LUZP2: variants seen among roughly 807,000 people sequenced by gnomAD.
LUZP2 encodes leucine zipper protein 2.
Under a neutral mutation model 51.6 loss-of-function variants are expected in LUZP2, and 52 were observed. The observed-to-expected ratio is 1.01, with a 90% CI of 0.81 to 1.27. The LOEUF (loss-of-function observed/expected upper bound fraction) is 1.27, where lower values mean the gene tolerates loss of function less well. Among genes scored for constraint, LUZP2 ranks in the 50% most tolerant of loss-of-function variants. The pLI, the probability that LUZP2 is intolerant of heterozygous loss-of-function variation, is 0.00. For synonymous variants in LUZP2, 154 were observed against 137.3 expected (o/e 1.12, Z -0.85); for missense variants, 436 against 395.4 (o/e 1.10, Z -0.87).
intron 10 of LUZP2, among the ~76,000 whole-genome samples, chr11:25,052,391 C>T (rs1262440127): frequency 4.6e-5 from 7 of 152,126 alleles, no homozygotes; most frequent in Admixed American, 4.6e-4. Flanking sequence ...ATTACCTCAG[C>T]ACCTCAGTAG....
intron 1 of LUZP2, among the ~76,000 whole-genome samples, chr11:24,501,702 G>T (rs78573266): frequency 0.074 from 11,291 of 152,138 alleles, 492 homozygotes; most frequent in African/African-American, 0.12. Flanking sequence ...TTATCATGCA[G>T]TAAGAATGTG....
intron 10 of LUZP2, among the ~76,000 whole-genome samples, chr11:25,063,613 A>T (rs1347068682): frequency 1.3e-5 from 2 of 151,926 alleles, no homozygotes; most frequent in Admixed American, 6.6e-5. Flanking sequence ...ATACCATTTT[A>T]TTCAGTGTCA....
intron 1 of LUZP2, among the ~76,000 whole-genome samples, chr11:24,510,622 A>C (rs1850279713): frequency 6.6e-6 from 1 of 152,198 alleles, no homozygotes; most frequent in Admixed American, 6.5e-5. Context: ...GGCTTCAGTT[A>C]CTTTAAACTT....
chr11:24,713,683 G>GTCTTTTTTTTTTTTTTT (rs1554978134), intron 1 of LUZP2, among the ~76,000 whole-genome samples: 1 of 89,690 alleles, frequency 1.1e-5, no homozygotes, highest in African/African-American at 4.6e-5. Context: ...GTGAGAATCT[G>GTCTTTTTTTTTTTTTTT]TTTTTTTTTT....
At chr11:24,856,084 G>A (rs1851556154) in intron 5 of LUZP2, among the ~76,000 whole-genome samples, 1 of 151,808 alleles carries the variant, frequency 6.6e-6, no homozygotes, top group Non-Finnish European at 1.5e-5. Context: ...GCACAAGTAA[G>A]TAAAACAAAA....
At chr11:25,022,229 A>G (rs1156799329) in intron 9 of LUZP2, among the ~76,000 whole-genome samples, 1 of 151,978 alleles carries the variant, frequency 6.6e-6, no homozygotes, top group Non-Finnish European at 1.5e-5. Context: ...TTTCATTATA[A>G]TTATTCAAAT....
At chr11:24,682,801 C>A (rs1014237161) in intron 1 of LUZP2, among the ~76,000 whole-genome samples, 1 of 151,578 alleles carries the variant, frequency 6.6e-6, no homozygotes, top group Non-Finnish European at 1.5e-5. Context: ...ATCAAGAGAT[C>A]GAGACCATCC....
At chr11:24,973,664 C>A (rs1855810548) in intron 7 of LUZP2, among the ~76,000 whole-genome samples, 1 of 151,884 alleles carries the variant, frequency 6.6e-6, no homozygotes, top group Non-Finnish European at 1.5e-5. Flanking sequence ...ATAACTTCTT[C>A]ATTTTTGTCT....
At chr11:24,528,191 G>A (rs1850877392) in intron 1 of LUZP2, among the ~76,000 whole-genome samples, 1 of 151,178 alleles carries the variant, frequency 6.6e-6, no homozygotes. Context: ...TTCTCAGCAT[G>A]TTTCAAGGGT....
chr11:24,594,091 T>C (rs1270891472), intron 1 of LUZP2, among the ~76,000 whole-genome samples: 1 of 152,218 alleles, frequency 6.6e-6, no homozygotes, highest in Admixed American at 6.5e-5. Flanking sequence ...TATCGTTTCT[T>C]ACTTGGATTA....
chr11:24,647,352 A>T lies in LUZP2; in HGVS notation c.63-81817A>T, dbSNP rs546826219. On this transcript the variant is annotated intron_variant, in intron 1 of 11. Transcript: ENST00000336930. ...AGAAAGAAAATTATCAAGACTGTGA[A>T]TGCAGCCAGTATTTAAATAAATAAC... Among the ~76,000 whole-genome samples the T allele has an allele frequency of 7.2e-5, 11 of 152,090 alleles. No homozygotes were observed. The East Asian group carries it at 2.1e-3, about 29-fold the overall frequency.
chr11:24,677,036 C>A (rs1238534880), intron 1 of LUZP2, among the ~76,000 whole-genome samples: 1 of 152,104 alleles, frequency 6.6e-6, no homozygotes, highest in Non-Finnish European at 1.5e-5. Flanking sequence ...TAAAAAATTT[C>A]ATGGTGAATA....
intron 5 of LUZP2, among the ~76,000 whole-genome samples, chr11:24,776,321 T>C (rs1848922382): frequency 6.6e-6 from 1 of 151,972 alleles, no homozygotes; most frequent in Non-Finnish European, 1.5e-5. Context: ...CCAGAGAAGA[T>C]ACTGAATTGA....
At chr11:24,962,770 T>C (rs942688514) in intron 7 of LUZP2, among the ~76,000 whole-genome samples, 7 of 152,238 alleles carry the variant, frequency 4.6e-5, no homozygotes, top group African/African-American at 1.7e-4. Context: ...CTCGTCAAAG[T>C]CATTCTCCGT....
intron 9 of LUZP2, among the ~76,000 whole-genome samples, chr11:25,045,723 C>T (rs1358402269): frequency 6.6e-6 from 1 of 152,098 alleles, no homozygotes; most frequent in Non-Finnish European, 1.5e-5. Context: ...CCTGTTATTA[C>T]TCTTTTGAGC....
intron 5 of LUZP2, among the ~76,000 whole-genome samples, chr11:24,886,392 A>G (rs1266710266): frequency 1.3e-5 from 2 of 152,156 alleles, no homozygotes; most frequent in Non-Finnish European, 2.9e-5. Context: ...TCTATAAATA[A>G]TTGAAGCTCC....
intron 9 of LUZP2, among the ~76,000 whole-genome samples, chr11:25,044,413 T>A (rs1858226678): frequency 6.6e-6 from 1 of 151,638 alleles, no homozygotes; most frequent in African/African-American, 2.4e-5. Context: ...TCAGTTTCAA[T>A]AAGGCTTCTT....
At chr11:24,629,508 T>C (rs553240715) in intron 1 of LUZP2, among the ~76,000 whole-genome samples, 1 of 146,534 alleles carries the variant, frequency 6.8e-6, no homozygotes, top group East Asian at 2.0e-4. Context: ...ATATTACATA[T>C]ATATTATATA....
chr11:24,987,919 A>G (rs1028739937), intron 9 of LUZP2, among the ~76,000 whole-genome samples: 2 of 151,986 alleles, frequency 1.3e-5, no homozygotes, highest in Non-Finnish European at 1.5e-5. Flanking sequence ...CCTGGGTGTC[A>G]ATACTCCTGA....
Sources: gnomAD v4.1 joint callset for allele counts (sites outside exome capture counted in the v4.1 genomes callset) on GRCh38, gnomAD v4.1.1 for gene constraint, MANE v1.5 for transcripts, NCBI Gene and HGNC (gene_info 2026-07-23, HGNC 2026-07-21) for gene names.